The following CTSO variants were observed in gnomAD, a reference collection of about 807,000 sequenced individuals.
The protein encoded by CTSO is cathepsin O.
CTSO carries 40 observed loss-of-function variants against 42.4 expected under a neutral mutation model. That is an observed-to-expected ratio of 0.94 (90% CI 0.73 to 1.23). The LOEUF (loss-of-function observed/expected upper bound fraction) is 1.23. Ranked by LOEUF, CTSO falls within the 50% of genes most tolerant of loss-of-function variation. The pLI is 0.00. For synonymous variants in CTSO, 156 were observed against 146.2 expected (o/e 1.07, Z -0.48); for missense variants, 441 against 396.0 (o/e 1.11, Z -0.96).
In CTSO at chr4:155,924,621, T is replaced by C. The variant is rs192232559; in HGVS notation, c.*1415A>G. The stretch of plus-strand genomic sequence containing the variant: ...TGATACATTTTAGAGAAGAAATATG[T>C]ACATACATAGTATCAGAAATAATTT... On this transcript the variant is annotated 3_prime_UTR_variant, in exon 8 of 8. Transcript: ENST00000433477. The C allele has an allele frequency of 2.0e-5, 3 of 152,236 alleles. No individual in the cohort carries two copies. In the East Asian group the frequency reaches 5.8e-4, roughly 29 times the overall value. 9.4% of individuals were successfully genotyped at this position (152,236 alleles called of 1,614,324 possible). A position where few individuals can be genotyped will look rare whatever the true frequency, so the allele number is the denominator to read the frequency against.
intron 5 of CTSO, among the ~76,000 whole-genome samples, chr4:155,930,349 A>G (rs1560784692): frequency 6.6e-6 from 1 of 152,224 alleles, no homozygotes; most frequent in African/African-American, 2.4e-5. Context: ...ATACAATAGA[A>G]GCAATGTTAA....
At chr4:155,942,210 G>A in intron 3 of CTSO, 107 bp downstream of exon 3, 1 of 927,626 alleles carries the variant, frequency 1.1e-6, no homozygotes. Flanking sequence ...ACTGAGATGT[G>A]ATTTTCCTAG....
At chr4:155,942,231 T>A in intron 3 of CTSO, 86 bp downstream of exon 3, 1 of 1,108,738 alleles carries the variant, frequency 9.0e-7, no homozygotes, top group Non-Finnish European at 1.2e-6. Flanking sequence ...AGAAATGATG[T>A]TTCCATTACA....
chr4:155,938,270 T>G (rs138106512), intron 4 of CTSO, among the ~76,000 whole-genome samples: 43 of 152,314 alleles, frequency 2.8e-4, no homozygotes, highest in African/African-American at 1.0e-3. Flanking sequence ...CCTCCCTTTT[T>G]GAATGCTAGG....
chr4:155,951,730 T>G (rs1455608724), intron 1 of CTSO, among the ~76,000 whole-genome samples: 1 of 152,182 alleles, frequency 6.6e-6, no homozygotes, highest in Non-Finnish European at 1.5e-5. Context: ...TGAATTAACT[T>G]GATTTCAACA....
At chr4:155,951,963 T>G (rs1463584265) in intron 1 of CTSO, among the ~76,000 whole-genome samples, 1 of 152,184 alleles carries the variant, frequency 6.6e-6, no homozygotes, top group African/African-American at 2.4e-5. Flanking sequence ...TGCCAAAAGA[T>G]TGGGGACCAC....
At chr4:155,952,171 A>T (rs1476056318) in intron 1 of CTSO, among the ~76,000 whole-genome samples, 1 of 152,188 alleles carries the variant, frequency 6.6e-6, no homozygotes, top group African/African-American at 2.4e-5. Context: ...TTTAAAATGT[A>T]CTAAGAGTCT....
intron 2 of CTSO, among the ~76,000 whole-genome samples, 155 bp from the exon 3 acceptor site, chr4:155,942,611 T>C (rs997914345): frequency 6.6e-6 from 1 of 150,944 alleles, no homozygotes; most frequent in Non-Finnish European, 1.5e-5. Flanking sequence ...TATTATATTA[T>C]ATTATATCCT....
At chr4:155,941,404 T>G (rs62326187) in intron 3 of CTSO, among the ~76,000 whole-genome samples, 25,464 of 152,164 alleles carry the variant, frequency 0.17, 2,591 homozygotes, top group Non-Finnish European at 0.24. Context: ...CCCACCCACA[T>G]CTGCTCTTAC....
chr4:155,935,807 ATCT>A (rs1433512445), intron 5 of CTSO, among the ~76,000 whole-genome samples: 5 of 152,204 alleles, frequency 3.3e-5, no homozygotes, highest in Admixed American at 1.3e-4. Flanking sequence ...TCAAAGAAAG[ATCT>A]TCTTGCAGTC....
chr4:155,936,008 A>T (rs1334552317), intron 5 of CTSO, among the ~76,000 whole-genome samples: 1 of 151,898 alleles, frequency 6.6e-6, no homozygotes, highest in Non-Finnish European at 1.5e-5. Context: ...TCAATTTCCT[A>T]CCATGATAAG....
chr4:155,950,852 AC>A (rs113950397), intron 1 of CTSO, among the ~76,000 whole-genome samples: 110,046 of 148,650 alleles, frequency 0.74, 40,754 homozygotes, highest in South Asian at 0.91. Context: ...TCCTCACCCC[AC>A]CCCCACACCC....
chr4:155,944,881 G>A (rs1743512450), intron 1 of CTSO, among the ~76,000 whole-genome samples: 1 of 146,278 alleles, frequency 6.8e-6, no homozygotes, highest in Non-Finnish European at 1.5e-5. Flanking sequence ...CTCAGGGTCA[G>A]AATTACATTG....
chr4:155,943,338 G>A (rs1743474835), intron 1 of CTSO, 74 bp from the exon 2 acceptor site: 1 of 840,816 alleles, frequency 1.2e-6, no homozygotes, highest in Non-Finnish European at 1.9e-6. Context: ...AACTAACTTG[G>A]AGAAATTTTT....
At position 155,941,095 on chromosome 4, in the gene CTSO, G is replaced by A. The variant is rs146445123; in HGVS notation, c.384+1222C>T. Among the ~76,000 whole-genome samples the A allele has an allele frequency of 1.1e-4, 17 of 152,280 alleles. No individual in the cohort carries two copies. The East Asian group carries it at 3.1e-3, about 28-fold the overall frequency. On this transcript the variant is annotated intron_variant, in intron 3 of 7. Transcript: ENST00000433477. Reference sequence around the variant, plus strand: ...AAATGATTTGGTGGTAAAACTTAATGTACAAAAATAAATATAGACTCTGAG... The same window carrying A: ...AAATGATTTGGTGGTAAAACTTAATATACAAAAATAAATATAGACTCTGAG...
At chr4:155,938,134 G>A (rs766309090) in intron 4 of CTSO, among the ~76,000 whole-genome samples, 2 of 152,116 alleles carry the variant, frequency 1.3e-5, no homozygotes, top group Non-Finnish European at 2.9e-5. Context: ...GTTCTGCCAA[G>A]TCTTTCAGAT....
In CTSO at chr4:155,948,858, G is replaced by A. The variant is rs537590271; in HGVS notation, c.135+4855C>T. Among the ~76,000 whole-genome samples the A allele has an allele frequency of 3.3e-3, 503 of 152,282 alleles. 1 individual carries two copies. The highest frequency in any genetic ancestry group is 6.8e-3 in the Middle Eastern group (2 of 294). ...AAACAATCAAAGAGTAGAAACCCAAGGAGGGTGACTTGAGGGGTTCTCAGA... is the reference window on the plus strand; with the variant it reads ...AAACAATCAAAGAGTAGAAACCCAAAGAGGGTGACTTGAGGGGTTCTCAGA... On this transcript the variant is annotated intron_variant, in intron 1 of 7. Transcript: ENST00000433477.
In CTSO at chr4:155,925,387, T is replaced by C. The variant is rs1394051016; in HGVS notation, c.*649A>G. On this transcript the variant is annotated 3_prime_UTR_variant, in exon 8 of 8. Coordinates refer to ENST00000433477, the MANE Select transcript of CTSO (RefSeq NM_001334.3). ...AGGCAATGCTACTAGAAGTTACTTA[T>C]ATAGTTGCCTTATTGTTCATTTAAT... The C allele has an allele frequency of 6.6e-6, 1 of 152,256 alleles. No individual in the cohort carries two copies. The highest frequency in any genetic ancestry group is 1.5e-5 in the Non-Finnish European group (1 of 68,068). 9.4% of individuals were successfully genotyped at this position (152,256 alleles called of 1,614,324 possible).
At chr4:155,928,618 C>A (rs1743173517) in intron 6 of CTSO, among the ~76,000 whole-genome samples, 190 bp from the exon 7 acceptor site, 1 of 152,146 alleles carries the variant, frequency 6.6e-6, no homozygotes. Flanking sequence ...TACGGACACT[C>A]TCCAATCAGT....
Sources: gnomAD v4.1 joint callset for allele counts (sites outside exome capture counted in the v4.1 genomes callset) on GRCh38, gnomAD v4.1.1 for gene constraint, MANE v1.5 for transcripts, NCBI Gene and HGNC (gene_info 2026-07-23, HGNC 2026-07-21) for gene names.